The following SPTSSA variants were observed in gnomAD, a reference collection of about 807,000 sequenced individuals.
SPTSSA encodes small subunit of serine palmitoyltransferase A.
In SPTSSA, 8 loss-of-function variants were observed where a neutral mutation model predicts 9.1. The observed-to-expected ratio is 0.88, with a 90% CI of 0.51 to 1.58. The LOEUF is 1.58. Among genes scored for constraint, SPTSSA ranks in the 40% most tolerant of loss-of-function variants. SPTSSA has a pLI of 0.00. For synonymous variants in SPTSSA, 42 were observed against 37.7 expected (o/e 1.11, Z -0.41); for missense variants, 100 against 93.8 (o/e 1.07, Z -0.27).
chr14:34,435,623 C>CTTTTTTTTTTTTTT (rs769896697), intron 1 of SPTSSA, among the ~76,000 whole-genome samples: 27 of 92,440 alleles, frequency 2.9e-4, no homozygotes, highest in African/African-American at 1.2e-3. Flanking sequence ...GTTTGTTTCT[C>CTTTTTTTTTTTTTT]TTTTTTTTTT....
chr14:34,456,796 G>A (rs1003511836), intron 1 of SPTSSA, among the ~76,000 whole-genome samples: 4 of 151,094 alleles, frequency 2.6e-5, no homozygotes, highest in African/African-American at 7.3e-5. Flanking sequence ...CTACTCGGGA[G>A]GGCAAGGCGG....
At chr14:34,452,926 A>C (rs2002517) in intron 1 of SPTSSA, among the ~76,000 whole-genome samples, 29,923 of 152,020 alleles carry the variant, frequency 0.2, 3,246 homozygotes, top group Middle Eastern at 0.29. Flanking sequence ...GACCCTTGAA[A>C]ACATGGGTTT....
intron 1 of SPTSSA, among the ~76,000 whole-genome samples, chr14:34,460,431 A>AT (rs1475515725): frequency 2.6e-5 from 4 of 152,142 alleles, no homozygotes; most frequent in African/African-American, 7.2e-5. Flanking sequence ...AAGGCACTAT[A>AT]TTTCATTTCA....
rs537066641 is a variant in SPTSSA at position 34,434,909 on chromosome 14, G to A, written c.*292C>T. On this transcript the variant is annotated 3_prime_UTR_variant, in exon 2 of 2. Transcript: ENST00000298130. The stretch of plus-strand genomic sequence containing the variant: ...AAGTTACATTAAGAAAAGCTTTCAC[G>A]GGGGTAATATTGAAACAGTCACAAA... 6 of 194,960 alleles carry A rather than the reference G, an allele frequency of 3.1e-5. No homozygotes were observed. Among genetic ancestry groups the A allele is most frequent in the East Asian group, 2.3e-4 (2 of 8,524 alleles). The allele number at this position is 194,960 out of a possible 1,614,324, so 12.1% of individuals were successfully genotyped here. A position where few individuals can be genotyped will look rare whatever the true frequency, so the allele number is the denominator to read the frequency against.
chr14:34,461,961 C>G (rs1464313864), intron 1 of SPTSSA, 135 bp downstream of exon 1: 2 of 426,420 alleles, frequency 4.7e-6, no homozygotes, highest in African/African-American at 2.2e-5. Flanking sequence ...CCTCCCCCTG[C>G]ACCCCCGGCT....
intron 1 of SPTSSA, among the ~76,000 whole-genome samples, chr14:34,440,909 C>T (rs1292279153): frequency 6.6e-6 from 1 of 151,780 alleles, no homozygotes; most frequent in African/African-American, 2.4e-5. Context: ...AAAAAAGAAT[C>T]TGAAACTTAA....
At chr14:34,441,743 TCTGGCCATGGCCA>T (rs1883319920) in intron 1 of SPTSSA, among the ~76,000 whole-genome samples, 1 of 152,182 alleles carries the variant, frequency 6.6e-6, no homozygotes, top group African/African-American at 2.4e-5. Context: ...ACTGCAGGTT[TCTGGCCATGGCCA>T]GTGAAACTAA....
chr14:34,446,023 T>C (rs1426780390), intron 1 of SPTSSA, among the ~76,000 whole-genome samples: 2 of 152,248 alleles, frequency 1.3e-5, no homozygotes, highest in Non-Finnish European at 2.9e-5. Context: ...CACTGATATC[T>C]GGTTGTATAA....
chr14:34,438,020 C>T (rs1883265379), intron 1 of SPTSSA, among the ~76,000 whole-genome samples: 1 of 152,090 alleles, frequency 6.6e-6, no homozygotes, highest in Non-Finnish European at 1.5e-5. Context: ...TCAGGCTGGT[C>T]TTGAACTCCT....
chr14:34,441,763 C>G (rs569488978), intron 1 of SPTSSA, among the ~76,000 whole-genome samples: 1 of 152,254 alleles, frequency 6.6e-6, no homozygotes, highest in South Asian at 2.1e-4. Context: ...GCCAGTGAAA[C>G]TAAGGGGTTT....
rs533219766 is a variant in SPTSSA at position 34,437,870 on chromosome 14, A to C, written c.113-2566T>G. Among the ~76,000 whole-genome samples, 153 of 152,246 alleles carry C rather than the reference A, an allele frequency of 1.0e-3. 3 individuals carry two copies. In the South Asian group the frequency reaches 0.031, roughly 31 times the overall value. ...GGCTAGACTGCAGTTACACAATCAT[A>C]GTTCACCACAGCCTCGACCTCCCAG... On this transcript the variant is annotated intron_variant, in intron 1 of 1. Coordinates refer to ENST00000298130, the MANE Select transcript of SPTSSA (RefSeq NM_138288.4).
At chr14:34,437,673 G>A (rs1883260631) in intron 1 of SPTSSA, among the ~76,000 whole-genome samples, 3 of 152,160 alleles carry the variant, frequency 2.0e-5, no homozygotes, top group Admixed American at 2.0e-4. Context: ...AGGAAAGCAA[G>A]ATTCAGAACA....
chr14:34,443,550 T>TGTGTGTGTTTGTGTGTGC (rs1555314418), intron 1 of SPTSSA, among the ~76,000 whole-genome samples: 1 of 90,940 alleles, frequency 1.1e-5, no homozygotes, highest in African/African-American at 5.1e-5. Flanking sequence ...TGTGTGTGTG[T>TGTGTGTGTTTGTGTGTGC]TTTGAGATGG....
At chr14:34,445,886 T>A (rs576160132) in intron 1 of SPTSSA, among the ~76,000 whole-genome samples, 60 of 152,356 alleles carry the variant, frequency 3.9e-4, no homozygotes, top group African/African-American at 1.4e-3. Flanking sequence ...AACCAGTTGA[T>A]ACTAAAATTG....
chr14:34,449,695 G>A (rs1170467211), intron 1 of SPTSSA, among the ~76,000 whole-genome samples: 1 of 148,760 alleles, frequency 6.7e-6, no homozygotes, highest in African/African-American at 2.5e-5. Flanking sequence ...TAGAGATGGG[G>A]TTTCACCATG....
At position 34,434,458 on chromosome 14, in the gene SPTSSA, A is replaced by G. The variant is rs1883207785; in HGVS notation, c.*743T>C. ...ATTAAAAACTCTATGGTATATAAGC[A>G]TTACATAATAATGCTACTTAACCAC... On this transcript the variant is annotated 3_prime_UTR_variant, in exon 2 of 2. Coordinates refer to ENST00000298130, the MANE Select transcript of SPTSSA (RefSeq NM_138288.4). 6.5e-6 allele frequency: 1 copy of G among 152,672 alleles called. No homozygotes were observed. Among genetic ancestry groups the G allele is most frequent in the Non-Finnish European group, 1.5e-5 (1 of 68,036 alleles). The allele number at this position is 152,672 out of a possible 1,614,324, so 9.5% of individuals were successfully genotyped here. A position where few individuals can be genotyped will look rare whatever the true frequency, so the allele number is the denominator to read the frequency against.
chr14:34,461,140 TA>T (rs1878607970), intron 1 of SPTSSA, among the ~76,000 whole-genome samples: 1 of 152,226 alleles, frequency 6.6e-6, no homozygotes, highest in Non-Finnish European at 1.5e-5. Context: ...GTGGATAAAC[TA>T]AACATGTTTT....
chr14:34,450,612 A>ATC (rs140271373), intron 1 of SPTSSA, among the ~76,000 whole-genome samples: 34,830 of 152,050 alleles, frequency 0.23, 5,593 homozygotes, highest in African/African-American at 0.46. Context: ...GAGAACAAGA[A>ATC]TAGAATACAA....
At chr14:34,439,110 C>T (rs928671856) in intron 1 of SPTSSA, among the ~76,000 whole-genome samples, 2 of 152,164 alleles carry the variant, frequency 1.3e-5, no homozygotes, top group Non-Finnish European at 2.9e-5. Flanking sequence ...AGAGTCTCAG[C>T]TCCCACAGGG....
Sources: gnomAD v4.1 joint callset for allele counts (sites outside exome capture counted in the v4.1 genomes callset) on GRCh38, gnomAD v4.1.1 for gene constraint, MANE v1.5 for transcripts, NCBI Gene and HGNC (gene_info 2026-07-23, HGNC 2026-07-21) for gene names.